The following EML6 variants were observed in gnomAD, a reference collection of about 807,000 sequenced individuals.
EML6 encodes EMAP like 6.
A neutral mutation model predicts 240.1 loss-of-function variants in EML6; 154 were observed. That is an observed-to-expected ratio of 0.64 (90% CI 0.56 to 0.73). The LOEUF (loss-of-function observed/expected upper bound fraction) is 0.73. Among genes scored for constraint, EML6 ranks in the 30% least tolerant of loss-of-function variants. The pLI, the probability that EML6 is intolerant of heterozygous loss-of-function variation, is 0.00. For synonymous variants in EML6, 1,148 were observed against 899.0 expected (o/e 1.28, Z -4.95); for missense variants, 2,964 against 2,474.6 (o/e 1.20, Z -4.20).
intron 6 of EML6, among the ~76,000 whole-genome samples, chr2:54,828,923 T>A (rs1668727552): frequency 1.3e-5 from 2 of 152,244 alleles, no homozygotes; most frequent in South Asian, 4.1e-4. Context: ...GGCACTTTTG[T>A]GCCTATGAAA....
intron 13 of EML6, among the ~76,000 whole-genome samples, chr2:54,864,964 G>C (rs1029602146): frequency 3.3e-5 from 5 of 152,164 alleles, no homozygotes; most frequent in Admixed American, 1.3e-4. Flanking sequence ...ATTGTATTAT[G>C]CAATATGACT....
chr2:54,849,501 A>C (rs1190361894), intron 9 of EML6, among the ~76,000 whole-genome samples: 1 of 152,164 alleles, frequency 6.6e-6, no homozygotes, highest in East Asian at 1.9e-4. Context: ...AAATGCCATA[A>C]ATTTTAAGAC....
intron 28 of EML6, among the ~76,000 whole-genome samples, chr2:54,938,362 C>G (rs1452275618): frequency 6.6e-6 from 1 of 152,162 alleles, no homozygotes; most frequent in Non-Finnish European, 1.5e-5. Context: ...GCTATAGATA[C>G]AGTTACATAA....
chr2:54,888,742 C>T (rs1672292472), intron 17 of EML6, among the ~76,000 whole-genome samples: 1 of 151,952 alleles, frequency 6.6e-6, no homozygotes, highest in African/African-American at 2.4e-5. Context: ...CTGGATGTAC[C>T]ACAGTTTGTT....
chr2:54,924,660 C>A (rs1674447616), intron 26 of EML6, among the ~76,000 whole-genome samples: 1 of 152,190 alleles, frequency 6.6e-6, no homozygotes, highest in African/African-American at 2.4e-5. Flanking sequence ...CTCCTGGGTT[C>A]AAGTGATTCT....
intron 22 of EML6, among the ~76,000 whole-genome samples, chr2:54,900,633 G>A (rs772236710): frequency 6.6e-6 from 1 of 152,192 alleles, no homozygotes; most frequent in Non-Finnish European, 1.5e-5. Context: ...CCTGCGGGAG[G>A]CAGCCAGGGA....
chr2:54,922,287 A>C (rs764597674), intron 26 of EML6, among the ~76,000 whole-genome samples: 1 of 152,270 alleles, frequency 6.6e-6, no homozygotes, highest in African/African-American at 2.4e-5. Context: ...AGAAATGGCC[A>C]ACAGGTATGT....
chr2:54,854,854 G>A (rs543989991), intron 11 of EML6, among the ~76,000 whole-genome samples: 52 of 152,322 alleles, frequency 3.4e-4, no homozygotes, highest in Admixed American at 3.9e-4. Flanking sequence ...TTGAGTAATA[G>A]GGCATATCTT....
intron 2 of EML6, among the ~76,000 whole-genome samples, chr2:54,776,823 A>G (rs1668622647): frequency 6.6e-6 from 1 of 151,992 alleles, no homozygotes; most frequent in Admixed American, 6.5e-5. Context: ...CTTGCTTTAT[A>G]TGAACATTTG....
chr2:54,778,821 G>A (rs888389828), intron 2 of EML6, among the ~76,000 whole-genome samples: 16 of 147,902 alleles, frequency 1.1e-4, no homozygotes, highest in African/African-American at 3.8e-4. Context: ...GAACCTGGGC[G>A]GTGGAGGTTG....
rs1039279260 is a variant in EML6, at chr2:54,866,837, A to G, written c.2004A>G (p.Lys668=). ...AAAACCACGCAGTGCCCTTCCTCAA[A>G]CGAGAAAAGGCTCCTGAGGACAGCT... is the stretch of plus-strand genomic sequence containing the variant. ...KEKNHAVPFL[K]REKAPEDSLK... is the part of the protein sequence containing the mutation. The change falls in exon 14 of 42, where the codon AAA becomes AAG. Residue 668 remains lysine (K), a synonymous_variant. Coordinates refer to ENST00000356458, the MANE Select transcript of EML6 (RefSeq NM_001039753.4). 10 of 1,551,276 alleles carry G rather than the reference A, an allele frequency of 6.4e-6. No homozygotes were observed. Among genetic ancestry groups the G allele is most frequent in the Non-Finnish European group, 8.7e-6 (10 of 1,146,666 alleles).
At chr2:54,735,784 G>T (rs113594799) in intron 2 of EML6, among the ~76,000 whole-genome samples, 12 of 152,336 alleles carry the variant, frequency 7.9e-5, no homozygotes, top group African/African-American at 2.9e-4. Flanking sequence ...TTGAAAATCT[G>T]TTGAAGTGTT....
At chr2:54,810,594 T>C (rs1667785580) in intron 2 of EML6, among the ~76,000 whole-genome samples, 1 of 152,228 alleles carries the variant, frequency 6.6e-6, no homozygotes, top group Admixed American at 6.5e-5. Flanking sequence ...TTGAAAGTGT[T>C]TCTGGCCTTC....
chr2:54,732,626 T>C (rs1038396063), intron 2 of EML6, among the ~76,000 whole-genome samples: 2 of 152,216 alleles, frequency 1.3e-5, no homozygotes, highest in African/African-American at 2.4e-5. Flanking sequence ...TTCTCCCATG[T>C]AGAAGATGCT....
intron 7 of EML6, among the ~76,000 whole-genome samples, chr2:54,836,183 G>T (rs969408757): frequency 1.3e-5 from 2 of 152,122 alleles, no homozygotes; most frequent in Non-Finnish European, 1.5e-5. Flanking sequence ...CGCAAGTTCC[G>T]TGTGTGACAT....
chr2:54,874,942 C>G (rs1671429804), intron 16 of EML6, among the ~76,000 whole-genome samples: 1 of 152,152 alleles, frequency 6.6e-6, no homozygotes, highest in Admixed American at 6.5e-5. Flanking sequence ...GTGAGAGCCA[C>G]CAGGCCTGGG....
chr2:54,936,821 T>C (rs1443979418), intron 28 of EML6, among the ~76,000 whole-genome samples: 1 of 152,214 alleles, frequency 6.6e-6, no homozygotes, highest in Admixed American at 6.5e-5. Flanking sequence ...AACTGCTCCT[T>C]CTTTTCTTAC....
intron 2 of EML6, among the ~76,000 whole-genome samples, chr2:54,730,256 T>C (rs546408757): frequency 6.6e-6 from 1 of 152,336 alleles, no homozygotes; most frequent in African/African-American, 2.4e-5. Flanking sequence ...TAGTCAAAAT[T>C]GTGACATGGC....
intron 5 of EML6, among the ~76,000 whole-genome samples, chr2:54,826,569 C>T (rs1341981070): frequency 6.6e-6 from 1 of 152,202 alleles, no homozygotes; most frequent in Non-Finnish European, 1.5e-5. Context: ...CACTGCACTC[C>T]ACCCTGGGCA....
Sources: gnomAD v4.1 joint callset for allele counts (sites outside exome capture counted in the v4.1 genomes callset) on GRCh38, gnomAD v4.1.1 for gene constraint, MANE v1.5 for transcripts, NCBI Gene and HGNC (gene_info 2026-07-23, HGNC 2026-07-21) for gene names.